TIAM1: variants seen among roughly 807,000 people sequenced by gnomAD.
The protein encoded by TIAM1 is TIAM Rac1 associated GEF 1.
Under a neutral mutation model 163.5 loss-of-function variants are expected in TIAM1, and 65 were observed. The ratio of observed to expected loss-of-function variants is 0.40; its 90% confidence interval spans 0.33 to 0.49. TIAM1 has a LOEUF of 0.49. Ranked by LOEUF, TIAM1 falls within the 20% of genes least tolerant of loss-of-function variation. The pLI is 0.77. For missense variants in TIAM1, 1,789 were observed against 2,044.7 expected (o/e 0.87, Z 2.41); for synonymous variants, 833 against 810.1 (o/e 1.03, Z -0.48).
At chr21:31,373,579 T>C (rs2076635542) in intron 2 of TIAM1, among the ~76,000 whole-genome samples, 1 of 151,882 alleles carries the variant, frequency 6.6e-6, no homozygotes, top group Admixed American at 6.6e-5. Flanking sequence ...GCACCTAACA[T>C]ATGGCAGGTA....
intron 6 of TIAM1, among the ~76,000 whole-genome samples, chr21:31,231,212 C>T (rs1436205364): frequency 2.0e-5 from 3 of 152,144 alleles, no homozygotes; most frequent in African/African-American, 4.8e-5. Context: ...GAGCCAGCCT[C>T]GATCATGCCA....
At position 31,395,784 on chromosome 21, in the gene TIAM1, G is replaced by A. The variant is rs1269336852; in HGVS notation, c.-368-56362C>T. Among the ~76,000 whole-genome samples the A allele has an allele frequency of 6.6e-6, 1 of 152,138 alleles. No individual in the cohort carries two copies. The highest frequency in any genetic ancestry group is 1.5e-5 in the Non-Finnish European group (1 of 68,024). ...GTTATTAAAAGGACGTGAGATGCATGGAATTAATGAACAACTATCTGTGAA... is the reference window on the plus strand; with the variant it reads ...GTTATTAAAAGGACGTGAGATGCATAGAATTAATGAACAACTATCTGTGAA... On this transcript the variant is annotated intron_variant, in intron 2 of 28. Coordinates refer to the TIAM1 transcript ENST00000286827. This position sits in a 1 kb window ranked among gnomAD's most constrained non-coding sequence, Gnocchi z 7.5.
chr21:31,205,230 T>C (rs1290992615), intron 11 of TIAM1, among the ~76,000 whole-genome samples: 2 of 152,234 alleles, frequency 1.3e-5, no homozygotes, highest in African/African-American at 2.4e-5. Context: ...GGGTCCTCAC[T>C]GAAATCTTTA....
intron 1 of TIAM1, among the ~76,000 whole-genome samples, chr21:31,494,094 TA>T (rs1453962055): frequency 6.6e-6 from 1 of 152,120 alleles, no homozygotes; most frequent in Non-Finnish European, 1.5e-5. Flanking sequence ...TTTGTATTTT[TA>T]TAGAGACAGG....
intron 11 of TIAM1, among the ~76,000 whole-genome samples, chr21:31,205,686 C>T (rs2086414047): frequency 6.6e-6 from 1 of 152,176 alleles, no homozygotes; most frequent in Non-Finnish European, 1.5e-5. Flanking sequence ...TGATTCTTGG[C>T]TGGGCATGGT....
At chr21:31,296,833 T>A (rs1353326980) in intron 2 of TIAM1, among the ~76,000 whole-genome samples, 3 of 152,116 alleles carry the variant, frequency 2.0e-5, no homozygotes, top group Non-Finnish European at 4.4e-5. Context: ...CCAGCTAATT[T>A]TTTGTATTTT....
At chr21:31,290,813 T>C (rs1206651802) in intron 2 of TIAM1, among the ~76,000 whole-genome samples, 4 of 152,144 alleles carry the variant, frequency 2.6e-5, no homozygotes, top group Non-Finnish European at 5.9e-5. Context: ...ATTATCTACA[T>C]TTTAGCCTTA....
chr21:31,438,853 C>T (rs1045479226), intron 2 of TIAM1, among the ~76,000 whole-genome samples: 8 of 152,230 alleles, frequency 5.3e-5, no homozygotes, highest in African/African-American at 1.9e-4. Context: ...CAACCCACAA[C>T]AACCCCACTA....
At chr21:31,442,175 G>A (rs2044458193) in intron 2 of TIAM1, among the ~76,000 whole-genome samples, 1 of 146,814 alleles carries the variant, frequency 6.8e-6, no homozygotes, top group Admixed American at 6.9e-5. Flanking sequence ...GCCAAGGAGT[G>A]AAGCTGAGAG....
intron 2 of TIAM1, among the ~76,000 whole-genome samples, chr21:31,411,799 C>T (rs559556097): frequency 6.6e-6 from 1 of 152,222 alleles, no homozygotes; most frequent in African/African-American, 2.4e-5. Flanking sequence ...TTTACAAAAA[C>T]AGATGACAGG....
chr21:31,433,081 G>T (rs994448765), intron 2 of TIAM1, among the ~76,000 whole-genome samples: 1 of 152,122 alleles, frequency 6.6e-6, no homozygotes, highest in African/African-American at 2.4e-5. Context: ...TCTCTTTTCA[G>T]TCTCTCTCAT....
At chr21:31,172,374 A>G (rs1199736945) in intron 15 of TIAM1, among the ~76,000 whole-genome samples, 2 of 152,134 alleles carry the variant, frequency 1.3e-5, no homozygotes, top group Non-Finnish European at 2.9e-5. Context: ...TGCTACTCAC[A>G]ATAGTAGTAG....
intron 1 of TIAM1, chr21:31,558,797 AG>A (rs2048984743): frequency 6.6e-6 from 1 of 152,148 alleles, no homozygotes; most frequent in Non-Finnish European, 1.5e-5. Context: ...ACCCGCCGGG[AG>A]CCCCAGTGTG....
intron 19 of TIAM1, 52 bp from the exon 20 acceptor site, chr21:31,147,055 A>C (rs1440972628): frequency 6.0e-6 from 9 of 1,512,334 alleles, no homozygotes; most frequent in Non-Finnish European, 8.3e-6. Context: ...TCCACTGGAA[A>C]TATCAGCAGG....
chr21:31,258,072 C>T (rs1190090729), intron 4 of TIAM1, among the ~76,000 whole-genome samples: 1 of 152,008 alleles, frequency 6.6e-6, no homozygotes, highest in African/African-American at 2.4e-5. Flanking sequence ...CCACATCCCC[C>T]ACACCCCATC....
At chr21:31,391,808 C>CT (rs1193180370) in intron 2 of TIAM1, among the ~76,000 whole-genome samples, 2 of 152,160 alleles carry the variant, frequency 1.3e-5, no homozygotes, top group African/African-American at 4.8e-5. Flanking sequence ...GAATACCTAA[C>CT]TTTTTTTAAA....
chr21:31,496,901 C>T (rs1426794751), intron 1 of TIAM1, among the ~76,000 whole-genome samples: 2 of 152,146 alleles, frequency 1.3e-5, no homozygotes, highest in Non-Finnish European at 2.9e-5. Flanking sequence ...GAAGCTGCTC[C>T]ACCTCAGATC....
chr21:31,469,272 A>G (rs7279376), intron 1 of TIAM1, among the ~76,000 whole-genome samples: 123,731 of 150,682 alleles, frequency 0.82, 50,837 homozygotes, highest in African/African-American at 0.88. Flanking sequence ...GGGAAGCAGC[A>G]GGGGGGTTGG....
chr21:31,213,443 C>A lies in TIAM1; in HGVS notation c.2172G>T (p.Lys724Asn). The A allele has an allele frequency of 6.2e-7, 1 of 1,613,506 alleles. No homozygotes were observed. Among genetic ancestry groups the A allele is most frequent in the Non-Finnish European group, 8.5e-7 (1 of 1,179,938 alleles). Reference protein sequence around the residue: ...QVFGEGTEAVKKSLEGIFDDI... With the variant: ...QVFGEGTEAVNKSLEGIFDDI... The stretch of plus-strand genomic sequence containing the variant: ...CATCAAATATTCCCTCTAAAGATTT[C>A]TTTACAGCTTCGGTTCCCTCTCCAA... Residue 724 changes from lysine to asparagine, a missense_variant, in exon 10 of 28, where the codon AAG becomes AAT. By Grantham distance (94) the Lys-to-Asn change is moderately conservative (BLOSUM62 0). Transcript: ENST00000541036.
Sources: gnomAD v4.1 joint callset for allele counts (sites outside exome capture counted in the v4.1 genomes callset) on GRCh38, gnomAD v4.1.1 for gene constraint, Gnocchi (gnomAD v3.1) non-coding constraint, MANE v1.5 for transcripts, NCBI Gene and HGNC (gene_info 2026-07-23, HGNC 2026-07-21) for gene names.